PKHD1L1: variants seen among roughly 807,000 people sequenced by gnomAD.
PKHD1L1 encodes the protein PKHD1 like 1.
A neutral mutation model predicts 462.9 loss-of-function variants in PKHD1L1; 434 were observed. The observed-to-expected ratio is 0.94, with a 90% CI of 0.87 to 1.02. The LOEUF (loss-of-function observed/expected upper bound fraction) is 1.02, where lower values mean the gene tolerates loss of function less well. Among genes scored for constraint, PKHD1L1 ranks in the 50% least tolerant of loss-of-function variants. The pLI, the probability that PKHD1L1 is intolerant of heterozygous loss-of-function variation, is 0.00. For synonymous variants in PKHD1L1, 1,781 were observed against 1,750.0 expected (o/e 1.02, Z -0.44); for missense variants, 5,202 against 5,096.1 (o/e 1.02, Z -0.63).
rs1314565202 is a variant in PKHD1L1 at position 109,435,297 on chromosome 8, T to C, written c.3448T>C (p.Tyr1150His). 2.5e-6 allele frequency: 4 copies of C among 1,613,928 alleles called. No homozygotes were observed. The East Asian group carries it at 8.9e-5, about 36-fold the overall frequency. Residue 1150 changes from tyrosine to histidine, a missense_variant, in exon 29 of 78, where the codon TAC becomes CAC. Around this residue, in one of 3 missense-constraint regions of PKHD1L1, gnomAD observed 4,497 missense variants for 4,336.8 expected, o/e 1.04. Transcript: ENST00000378402. ...ACAGAATGTAGGGGGTGAAGAGTTC[T>C]ACTTTGTTTATCAGAGTCAGATCTC... ...LAQNVGGEEF[Y>H]FVYQSQISHI...
chr8:109,466,780 T>A lies in PKHD1L1; in HGVS notation c.8605+11T>A. Reference sequence around the variant, plus strand: ...TTTCAGACTCTTTTGGTAAGTGGAATATATTAGTTTAAACAACTAATTTAA... The same window carrying A: ...TTTCAGACTCTTTTGGTAAGTGGAAAATATTAGTTTAAACAACTAATTTAA... On this transcript the variant is annotated intron_variant, in intron 50 of 77. Coordinates refer to ENST00000378402, the MANE Select transcript of PKHD1L1 (RefSeq NM_177531.6). 6.3e-7 allele frequency: 1 copy of A among 1,592,678 alleles called. No homozygotes were observed. The highest frequency in any genetic ancestry group is 8.5e-7 in the Non-Finnish European group (1 of 1,170,378).
At chr8:109,526,761 A>T in intron 76 of PKHD1L1, 23 bp from the exon 77 acceptor site, 2 of 1,523,112 alleles carry the variant, frequency 1.3e-6, no homozygotes, top group Non-Finnish European at 1.8e-6. Flanking sequence ...GAAATCAAAC[A>T]CTATGATGCT....
At chr8:109,490,511 A>G (rs1266421008) in intron 60 of PKHD1L1, among the ~76,000 whole-genome samples, 1 of 151,842 alleles carries the variant, frequency 6.6e-6, no homozygotes, top group African/African-American at 2.4e-5. Context: ...GTAGAAATAC[A>G]AAATAATCTG....
chr8:109,497,017 A>G lies in PKHD1L1; in HGVS notation c.10426A>G (p.Ile3476Val). 1.2e-6 allele frequency: 2 copies of G among 1,613,700 alleles called. No individual in the cohort carries two copies. The highest frequency in any genetic ancestry group is 1.3e-5 in the African/African-American group (1 of 75,046). Residue 3476 changes from isoleucine to valine, a missense_variant, in exon 64 of 78, where the codon ATA becomes GTA. By Grantham distance (29) the Ile-to-Val change is conservative. Transcript: ENST00000378402. ...NQDGLPGCSL[I>V]QGFTIWTCWD... ...AGATGGCCTTCCTGGATGTTCTCTT[A>G]TACAAGGATTTACCATTTGGACATG...
chr8:109,362,714 C>T lies in PKHD1L1; in HGVS notation c.73+61C>T, dbSNP rs377050882. 128 of 1,517,306 alleles carry T rather than the reference C, an allele frequency of 8.4e-5. 1 individual carries two copies. In the East Asian group the frequency reaches 2.5e-3, roughly 30 times the overall value. 94.0% of individuals were successfully genotyped at this position (1,517,306 alleles called of 1,614,324 possible). A position where few individuals can be genotyped will look rare whatever the true frequency, so the allele number is the denominator to read the frequency against. Reference sequence around the variant, plus strand: ...GAGGCCCGCGTAGACACTACCCCTGCTCCCGGGGTCCTGGGAGAGGCAGGA... The same window carrying T: ...GAGGCCCGCGTAGACACTACCCCTGTTCCCGGGGTCCTGGGAGAGGCAGGA... On this transcript the variant is annotated intron_variant, in intron 1 of 77. Transcript: ENST00000378402.
chr8:109,392,872 T>G (rs925897632), intron 9 of PKHD1L1, among the ~76,000 whole-genome samples: 2 of 152,130 alleles, frequency 1.3e-5, no homozygotes, highest in Non-Finnish European at 2.9e-5. Context: ...CTCTCCTCTA[T>G]TACCCCAAGT....
chr8:109,516,592 T>C (rs1820281140), intron 72 of PKHD1L1, among the ~76,000 whole-genome samples: 1 of 152,130 alleles, frequency 6.6e-6, no homozygotes. Flanking sequence ...CTCAAGCTGG[T>C]ATGGTGCACA....
rs1419652383 is a variant in PKHD1L1 at position 109,450,983 on chromosome 8, G to A, written c.6184G>A (p.Ala2062Thr). The change falls in exon 41 of 78, where the codon GCT becomes ACT. Residue 2062 changes from alanine (A) to threonine (T), a missense_variant. Coordinates refer to ENST00000378402, the MANE Select transcript of PKHD1L1 (RefSeq NM_177531.6). ...TGATCTTCCTTTCATAGGCACGGGA[G>A]CTGAGCAAGCCTGTGAAGTGAGTGT... ...CEIPSNNGTG[A>T]EQACEVSVVN... 1.2e-6 allele frequency: 2 copies of A among 1,601,032 alleles called. No homozygotes were observed. The highest frequency in any genetic ancestry group is 1.7e-5 in the Admixed American group (1 of 59,574).
chr8:109,425,686 G>A (rs1332870887), intron 24 of PKHD1L1, among the ~76,000 whole-genome samples: 3 of 151,860 alleles, frequency 2.0e-5, no homozygotes, highest in Admixed American at 2.0e-4. Context: ...TACTGTGGTA[G>A]CCATAAACAA....
rs987900464 is a variant in PKHD1L1, at chr8:109,534,950, C to G, written c.*4860C>G. On this transcript the variant is annotated 3_prime_UTR_variant, in exon 78 of 78. Coordinates refer to ENST00000378402, the MANE Select transcript of PKHD1L1 (RefSeq NM_177531.6). The stretch of plus-strand genomic sequence containing the variant: ...AGGACTATGTATTCTTTCAATTTCT[C>G]TAAAGTGCTTAGCACACACTCTGCC... Among the ~76,000 whole-genome samples the G allele has an allele frequency of 1.3e-5, 2 of 151,626 alleles. No individual in the cohort carries two copies. Among genetic ancestry groups the G allele is most frequent in the Non-Finnish European group, 2.9e-5 (2 of 67,900 alleles).
At chr8:109,374,800 C>A (rs988819412) in intron 2 of PKHD1L1, among the ~76,000 whole-genome samples, 1 of 152,118 alleles carries the variant, frequency 6.6e-6, no homozygotes, top group African/African-American at 2.4e-5. Flanking sequence ...GTTGAAAATT[C>A]TTTTCTTTAA....
Position 109,466,649 on chromosome 8 carries a change from TG to T in PKHD1L1, c.8487del (p.Trp2829Ter), listed in dbSNP as rs756587402. ...DPSHCTQEAE[W>X]SIGFPGSVCD... Reference sequence around the variant, plus strand: ...TTCTCATTGTACTCAGGAAGCTGAGTGGAGCATTGGGTTCCCTGGATCAGTC... The same window carrying T: ...TTCTCATTGTACTCAGGAAGCTGAGTGAGCATTGGGTTCCCTGGATCAGTC... On this transcript the variant is annotated frameshift_variant, in exon 50 of 78. Coordinates refer to ENST00000378402, the MANE Select transcript of PKHD1L1 (RefSeq NM_177531.6). LOFTEE classifies it high-confidence loss of function. 1.9e-6 allele frequency: 3 copies of T among 1,610,482 alleles called. No homozygotes were observed. Among genetic ancestry groups the T allele is most frequent in the Non-Finnish European group, 2.5e-6 (3 of 1,178,310 alleles).
intron 72 of PKHD1L1, among the ~76,000 whole-genome samples, chr8:109,517,063 C>G (rs1174531235): frequency 6.6e-6 from 1 of 152,064 alleles, no homozygotes; most frequent in Non-Finnish European, 1.5e-5. Context: ...ATCCACAACA[C>G]AGGGATATTA....
Position 109,491,976 on chromosome 8 carries a change from C to A in PKHD1L1, c.10218C>A (p.Leu3406=). 1 of 1,560,334 alleles carries A rather than the reference C, an allele frequency of 6.4e-7. No homozygotes were observed. Residue 3406 remains leucine (L), a synonymous_variant, in exon 62 of 78, where the codon CTC becomes CTA. Coordinates refer to ENST00000378402, the MANE Select transcript of PKHD1L1 (RefSeq NM_177531.6). ...ACAGAAAAGATTTAAGTTCAACTCT[C>A]TGGCATGCAGCAATTGAGGTAGTGA... ...YQNRKDLSST[L]WHAAIEINRG...
At chr8:109,368,606 C>A (rs1197647602) in intron 2 of PKHD1L1, among the ~76,000 whole-genome samples, 5 of 152,136 alleles carry the variant, frequency 3.3e-5, no homozygotes, top group Non-Finnish European at 7.4e-5. Flanking sequence ...ATCTTTCTTT[C>A]CCATTGTTTT....
rs180745540 is a variant in PKHD1L1 at position 109,495,987 on chromosome 8, C to T, written c.10328-932C>T. On this transcript the variant is annotated intron_variant, in intron 63 of 77. Coordinates refer to ENST00000378402, the MANE Select transcript of PKHD1L1 (RefSeq NM_177531.6). ...ATTTATTGAGAGTATTTGCTAGGCA[C>T]TGTATGTGGGTTATTTCCTTTCATT... Among the ~76,000 whole-genome samples, 450 of 152,238 alleles carry T rather than the reference C, an allele frequency of 3.0e-3. 2 individuals are homozygous for T. Among genetic ancestry groups the T allele is most frequent in the Non-Finnish European group, 4.6e-3 (316 of 68,018 alleles).
At chr8:109,514,231 C>G (rs909981996) in intron 71 of PKHD1L1, among the ~76,000 whole-genome samples, 2 of 152,132 alleles carry the variant, frequency 1.3e-5, no homozygotes, top group Non-Finnish European at 2.9e-5. Context: ...CCTCAGATTC[C>G]ACTTTCTCAA....
chr8:109,463,359 C>T (rs1411860178), intron 48 of PKHD1L1, among the ~76,000 whole-genome samples: 4 of 152,256 alleles, frequency 2.6e-5, no homozygotes, highest in South Asian at 2.1e-4. Context: ...GATGGTGACA[C>T]AGTCAGCACC....
chr8:109,437,951 A>G (rs2130725482), intron 30 of PKHD1L1, among the ~76,000 whole-genome samples: 1 of 152,322 alleles, frequency 6.6e-6, no homozygotes, highest in Middle Eastern at 3.4e-3. Context: ...GTCAGAGAAG[A>G]GAAATAAGAA....
Sources: allele counts gnomAD v4.1 joint callset (sites outside exome capture counted in the v4.1 genomes callset), GRCh38; gene constraint gnomAD v4.1.1; regional missense constraint gnomAD v4.1.1; transcripts MANE v1.5; gene names NCBI Gene and HGNC (gene_info 2026-07-23, HGNC 2026-07-21).